Variants in CADPS2 observed in about 807,000 individuals in gnomAD.
The protein encoded by CADPS2 is calcium dependent secretion activator 2, also known as calcium-dependent secretion activator 2.
CADPS2 carries 93 observed loss-of-function variants against 172.5 expected under a neutral mutation model. That is an observed-to-expected ratio of 0.54 (90% CI 0.46 to 0.64). CADPS2 has a LOEUF of 0.64. CADPS2 is among the 30% of genes least tolerant of loss of function. The pLI, the probability that CADPS2 is intolerant of heterozygous loss-of-function variation, is 0.00. For synonymous variants in CADPS2, 546 were observed against 555.2 expected, an observed-to-expected ratio of 0.98 and a Z score of 0.23; for missense variants, 1,420 against 1,565.9, an observed-to-expected ratio of 0.91 and a Z score of 1.57.
At chr7:122,879,331 T>A (rs979199611) in intron 1 of CADPS2, among the ~76,000 whole-genome samples, 1 of 147,780 alleles carries the variant, frequency 6.8e-6, no homozygotes, top group Non-Finnish European at 1.5e-5. Flanking sequence ...AGGTCAGGAG[T>A]TCGAGACCAG....
chr7:122,674,711 T>C (rs1212159329), intron 2 of CADPS2, among the ~76,000 whole-genome samples: 2 of 152,194 alleles, frequency 1.3e-5, no homozygotes, highest in African/African-American at 4.8e-5. Context: ...GATTTTATAA[T>C]GACGAGAAAA....
intron 1 of CADPS2, among the ~76,000 whole-genome samples, chr7:122,803,989 A>C (rs567901487): frequency 1.4e-3 from 209 of 149,562 alleles, no homozygotes; most frequent in African/African-American, 4.4e-3. Context: ...AAAAAAAAAA[A>C]AAAAAAAAAC....
chr7:122,757,090 GT>G (rs11297826), intron 1 of CADPS2, among the ~76,000 whole-genome samples: 66,728 of 151,868 alleles, frequency 0.44, 17,116 homozygotes, highest in African/African-American at 0.72. Context: ...GCTCTGAACT[GT>G]TGACCAAAGG....
At chr7:122,688,931 T>C (rs1198669344) in intron 2 of CADPS2, among the ~76,000 whole-genome samples, 1 of 152,116 alleles carries the variant, frequency 6.6e-6, no homozygotes, top group Non-Finnish European at 1.5e-5. Flanking sequence ...TCGATATATA[T>C]ACACACAGGC....
chr7:122,486,488 G>A (rs2057824135), intron 11 of CADPS2, among the ~76,000 whole-genome samples: 1 of 152,186 alleles, frequency 6.6e-6, no homozygotes, highest in Non-Finnish European at 1.5e-5. Context: ...AGATGTGACT[G>A]AATTGCTGCA....
chr7:122,638,461 A>G (rs1338290413), intron 3 of CADPS2, among the ~76,000 whole-genome samples: 1 of 152,118 alleles, frequency 6.6e-6, no homozygotes, highest in Admixed American at 6.5e-5. Context: ...CTCCTAAACC[A>G]CAGGGGTTTA....
intron 14 of CADPS2, among the ~76,000 whole-genome samples, chr7:122,471,166 T>C (rs2055876976): frequency 6.6e-6 from 1 of 151,978 alleles, no homozygotes; most frequent in Non-Finnish European, 1.5e-5. Flanking sequence ...TTCGAGTGGC[T>C]TTACCAGCAA....
chr7:122,696,830 G>T (rs186686276), intron 2 of CADPS2, among the ~76,000 whole-genome samples: 2 of 152,102 alleles, frequency 1.3e-5, no homozygotes, highest in Admixed American at 1.3e-4. Context: ...CATAATAGTT[G>T]CATTACAACA....
intron 1 of CADPS2, among the ~76,000 whole-genome samples, chr7:122,841,824 AT>A (rs1554487539): frequency 6.6e-6 from 1 of 152,104 alleles, no homozygotes; most frequent in East Asian, 1.9e-4. Flanking sequence ...TTAGTACTGT[AT>A]TTTTTTTACC....
At chr7:122,461,261 T>C (rs2054396796) in intron 14 of CADPS2, among the ~76,000 whole-genome samples, 1 of 152,180 alleles carries the variant, frequency 6.6e-6, no homozygotes, top group Non-Finnish European at 1.5e-5. Context: ...ACATGGGTAA[T>C]TGGAGCTTCA....
At chr7:122,864,180 ACT>A (rs1017005307) in intron 1 of CADPS2, among the ~76,000 whole-genome samples, 1 of 152,008 alleles carries the variant, frequency 6.6e-6, no homozygotes, top group Non-Finnish European at 1.5e-5. Context: ...ATGGTTTCAG[ACT>A]CTCTTATGTC....
At chr7:122,462,192 C>A (rs1202262857) in intron 14 of CADPS2, among the ~76,000 whole-genome samples, 6 of 151,936 alleles carry the variant, frequency 3.9e-5, no homozygotes, top group Non-Finnish European at 8.8e-5. Flanking sequence ...AAGGATATAA[C>A]TAAAATACCA....
At chr7:122,511,237 C>A (rs1007676190) in intron 9 of CADPS2, among the ~76,000 whole-genome samples, 1 of 151,698 alleles carries the variant, frequency 6.6e-6, no homozygotes, top group Non-Finnish European at 1.5e-5. Context: ...AATCTTCCCC[C>A]AAAAACCTAC....
chr7:122,696,015 G>A (rs1213565642), intron 2 of CADPS2, among the ~76,000 whole-genome samples: 1 of 152,182 alleles, frequency 6.6e-6, no homozygotes, highest in Non-Finnish European at 1.5e-5. Context: ...TGCAGGGACT[G>A]CCAACACTAC....
chr7:122,340,093 G>A (rs1266176459), intron 28 of CADPS2, among the ~76,000 whole-genome samples: 1 of 152,080 alleles, frequency 6.6e-6, no homozygotes, highest in Non-Finnish European at 1.5e-5. Context: ...TTAATTTAGA[G>A]TTTCTTCACT....
chr7:122,475,193 C>G (rs2056484435), intron 12 of CADPS2, among the ~76,000 whole-genome samples: 1 of 152,142 alleles, frequency 6.6e-6, no homozygotes, highest in African/African-American at 2.4e-5. Flanking sequence ...AAAAGGCAAG[C>G]TTTTATGATT....
intron 9 of CADPS2, among the ~76,000 whole-genome samples, chr7:122,500,812 T>TAA (rs1293969557): frequency 1.3e-5 from 2 of 152,172 alleles, no homozygotes; most frequent in Non-Finnish European, 2.9e-5. Context: ...CTGACTTATG[T>TAA]AAGTGGCAAG....
intron 1 of CADPS2, among the ~76,000 whole-genome samples, chr7:122,814,656 C>G (rs1447262734): frequency 6.6e-6 from 1 of 152,168 alleles, no homozygotes; most frequent in Non-Finnish European, 1.5e-5. Context: ...GTTGAACTGT[C>G]AAGACAGAGA....
intron 2 of CADPS2, among the ~76,000 whole-genome samples, chr7:122,668,417 AAC>A (rs1423310383): frequency 6.6e-6 from 1 of 151,612 alleles, no homozygotes; most frequent in Non-Finnish European, 1.5e-5. Flanking sequence ...AAAAAAAAAA[AAC>A]AAAAACAAAC....
Sources: gnomAD v4.1 joint callset for allele counts (sites outside exome capture counted in the v4.1 genomes callset) on GRCh38, gnomAD v4.1.1 for gene constraint, MANE v1.5 for transcripts, NCBI Gene and HGNC (gene_info 2026-07-23, HGNC 2026-07-21) for gene names.